The following BBX variants were observed in gnomAD, a reference collection of about 807,000 sequenced individuals.
The protein encoded by BBX is HMG box transcription factor BBX.
A neutral mutation model predicts 100.2 loss-of-function variants in BBX; 30 were observed. That is an observed-to-expected ratio of 0.30 (90% CI 0.22 to 0.41). The LOEUF (loss-of-function observed/expected upper bound fraction) is 0.41. Among genes scored for constraint, BBX ranks in the 10% least tolerant of loss-of-function variants. The pLI is 1.00. For synonymous variants in BBX, 376 were observed against 388.1 expected (o/e 0.97, Z 0.37); for missense variants, 1,023 against 1,129.8 (o/e 0.91, Z 1.35).
intron 4 of BBX, among the ~76,000 whole-genome samples, chr3:107,713,967 C>CTTTTTT (rs569427270): frequency 1.2e-4 from 10 of 82,282 alleles, no homozygotes; most frequent in Non-Finnish European, 2.3e-4. Flanking sequence ...TAATTTTTTT[C>CTTTTTT]TTTTTTTTTT....
chr3:107,560,692 AG>A (rs1175995423), intron 2 of BBX, among the ~76,000 whole-genome samples: 7 of 152,168 alleles, frequency 4.6e-5, no homozygotes, highest in Non-Finnish European at 7.3e-5. Flanking sequence ...CTAGGCCAAA[AG>A]TTTCTGGAAT....
At chr3:107,799,023 G>C (rs1400626364) in intron 16 of BBX, among the ~76,000 whole-genome samples, 5 of 151,624 alleles carry the variant, frequency 3.3e-5, no homozygotes, top group Non-Finnish European at 7.4e-5. Flanking sequence ...GGTGGTGGGT[G>C]CCTGTAGTCC....
intron 3 of BBX, among the ~76,000 whole-genome samples, chr3:107,700,595 C>G (rs1448559481): frequency 7.7e-6 from 1 of 129,652 alleles, no homozygotes; most frequent in Non-Finnish European, 1.6e-5. Context: ...CCCCTCCCCC[C>G]ACCCCACAAC....
intron 2 of BBX, among the ~76,000 whole-genome samples, chr3:107,590,254 TA>T (rs1369921163): frequency 3.3e-5 from 5 of 152,330 alleles, no homozygotes; most frequent in South Asian, 2.1e-4. Context: ...TATAGGCATC[TA>T]TTTTTTTATT....
chr3:107,711,972 C>T (rs1335768166), intron 4 of BBX, among the ~76,000 whole-genome samples: 1 of 152,092 alleles, frequency 6.6e-6, no homozygotes, highest in Non-Finnish European at 1.5e-5. Flanking sequence ...ACCTCCCAGG[C>T]TCAAGCAGTC....
At chr3:107,697,105 T>G (rs1453055414) in intron 3 of BBX, among the ~76,000 whole-genome samples, 2 of 151,534 alleles carry the variant, frequency 1.3e-5, no homozygotes, top group Non-Finnish European at 2.9e-5. Flanking sequence ...TCTTCTAAAT[T>G]TTTTTCAAAG....
chr3:107,653,510 A>G (rs958956696), intron 3 of BBX, among the ~76,000 whole-genome samples: 13 of 152,182 alleles, frequency 8.5e-5, no homozygotes, highest in South Asian at 2.1e-4. Flanking sequence ...GGATATTGCT[A>G]TATTCAAATT....
intron 7 of BBX, among the ~76,000 whole-genome samples, chr3:107,742,361 C>G (rs1374777247): frequency 2.0e-5 from 3 of 150,768 alleles, no homozygotes; most frequent in Non-Finnish European, 1.5e-5. Context: ...TACGCTGCCT[C>G]TATTCTTTTG....
At chr3:107,718,251 TATA>T (rs1164657774) in intron 5 of BBX, among the ~76,000 whole-genome samples, 3 of 147,560 alleles carry the variant, frequency 2.0e-5, no homozygotes, top group East Asian at 1.9e-4. Context: ...ATATAACTAT[TATA>T]ATAGTATTAA....
chr3:107,657,364 A>G (rs2058208518), intron 3 of BBX, among the ~76,000 whole-genome samples: 1 of 152,170 alleles, frequency 6.6e-6, no homozygotes, highest in African/African-American at 2.4e-5. Flanking sequence ...TTCAATGACA[A>G]TTTTCTAAAA....
At chr3:107,726,171 TCTC>T (rs1256443271) in intron 5 of BBX, among the ~76,000 whole-genome samples, 1 of 151,946 alleles carries the variant, frequency 6.6e-6, no homozygotes, top group Non-Finnish European at 1.5e-5. Flanking sequence ...TACCCAGCCT[TCTC>T]CTAATAATCT....
At position 107,807,333 on chromosome 3, in the gene BBX, T is replaced by G. The variant is rs1451219067; in HGVS notation, c.*1876T>G. ...AAACGTTACAACTTAACCCCATTCATGTAGGAATAAATCAAGTGAGCAGTT... is the reference window on the plus strand; with the variant it reads ...AAACGTTACAACTTAACCCCATTCAGGTAGGAATAAATCAAGTGAGCAGTT... On this transcript the variant is annotated 3_prime_UTR_variant, in exon 18 of 18. Transcript: ENST00000325805. 1 of 152,188 alleles carries G rather than the reference T, an allele frequency of 6.6e-6. No homozygotes were observed. Among genetic ancestry groups the G allele is most frequent in the Non-Finnish European group, 1.5e-5 (1 of 68,034 alleles). The allele number at this position is 152,188 out of a possible 1,614,324, so 9.4% of individuals were successfully genotyped here.
intron 2 of BBX, among the ~76,000 whole-genome samples, chr3:107,565,719 C>G (rs1367731490): frequency 6.6e-6 from 1 of 150,554 alleles, no homozygotes; most frequent in African/African-American, 2.4e-5. Flanking sequence ...CCACTGGGAT[C>G]ATGCTCGGAT....
chr3:107,768,929 A>G (rs1218620919), intron 10 of BBX, among the ~76,000 whole-genome samples: 4 of 140,332 alleles, frequency 2.9e-5, no homozygotes, highest in African/African-American at 1.1e-4. Context: ...AGGCTGAGGC[A>G]GGAGGATCGC....
At chr3:107,608,526 A>G (rs2054607486) in intron 2 of BBX, among the ~76,000 whole-genome samples, 1 of 152,160 alleles carries the variant, frequency 6.6e-6, no homozygotes. Flanking sequence ...TTTTTTGCTT[A>G]GGATGAGTTT....
intron 5 of BBX, among the ~76,000 whole-genome samples, chr3:107,721,276 T>C (rs997706123): frequency 6.6e-6 from 1 of 152,102 alleles, no homozygotes; most frequent in African/African-American, 2.4e-5. Context: ...GTGAGACTTT[T>C]GTGAATAATG....
chr3:107,804,282 C>A (rs566430464), intron 17 of BBX, among the ~76,000 whole-genome samples: 2 of 152,186 alleles, frequency 1.3e-5, no homozygotes, highest in Admixed American at 6.5e-5. Flanking sequence ...CAAGCTAAAT[C>A]TTGAAATAGC....
chr3:107,768,500 C>G (rs1249846542), intron 10 of BBX, among the ~76,000 whole-genome samples: 1 of 152,106 alleles, frequency 6.6e-6, no homozygotes, highest in Non-Finnish European at 1.5e-5. Flanking sequence ...AACATTATTA[C>G]CAAAGATTTG....
At chr3:107,752,337 A>G (rs2065138188) in intron 9 of BBX, among the ~76,000 whole-genome samples, 1 of 152,186 alleles carries the variant, frequency 6.6e-6, no homozygotes, top group Admixed American at 6.5e-5. Flanking sequence ...AACACCATAT[A>G]CTTACACTGT....
Sources: allele counts gnomAD v4.1 joint callset (sites outside exome capture counted in the v4.1 genomes callset), GRCh38; gene constraint gnomAD v4.1.1; transcripts MANE v1.5; gene names NCBI Gene and HGNC (gene_info 2026-07-23, HGNC 2026-07-21).